The following SPTBN2 variants were observed in gnomAD, a reference collection of about 807,000 sequenced individuals.
SPTBN2 encodes spectrin beta, non-erythrocytic 2.
SPTBN2 carries 107 observed loss-of-function variants against 284.2 expected under a neutral mutation model. The observed-to-expected ratio is 0.38, with a 90% CI of 0.32 to 0.44. The LOEUF is 0.44. SPTBN2 is among the 20% of genes least tolerant of loss of function. The probability of loss-of-function intolerance (pLI) is 1.00; values close to 1 mark genes in which losing one functional copy is unlikely to be tolerated. For synonymous variants in SPTBN2, 1,289 were observed against 1,354.8 expected, an observed-to-expected ratio of 0.95 and a Z score of 1.07; for missense variants, 2,569 against 3,287.1, an observed-to-expected ratio of 0.78 and a Z score of 5.34.
At chr11:66,739,919 C>T (rs988465400) in intron 1 of SPTBN2, among the ~76,000 whole-genome samples, 2 of 152,146 alleles carry the variant, frequency 1.3e-5, no homozygotes, top group Admixed American at 1.3e-4. Context: ...GTAATCCCAG[C>T]TGCTCGTGAG....
At chr11:66,716,475 G>A (rs1157890068) in intron 3 of SPTBN2, among the ~76,000 whole-genome samples, 4 of 149,716 alleles carry the variant, frequency 2.7e-5, no homozygotes, top group Non-Finnish European at 5.9e-5. Context: ...GCAAGACTCC[G>A]TCTCAAAAAA....
chr11:66,693,473 G>A lies in SPTBN2; in HGVS notation c.4594-27C>T, dbSNP rs776830498. ...TGCCCATGGCCACAGAAGAGAAAAT[G>A]CTGAAAGTCCTGCCCCAGCCCCACG... On this transcript the variant is annotated intron_variant, in intron 23 of 37. Transcript: ENST00000533211. The surrounding 1 kb of genome is among the most constrained non-coding windows in gnomAD (Gnocchi z 5.7). 4 of 1,590,774 alleles carry A rather than the reference G, an allele frequency of 2.5e-6. No individual in the cohort carries two copies. The highest frequency in any genetic ancestry group is 3.4e-6 in the Non-Finnish European group (4 of 1,176,286).
intron 5 of SPTBN2, 83 bp from the exon 6 acceptor site, chr11:66,714,490 A>T (rs1250560520): frequency 8.2e-7 from 1 of 1,224,556 alleles, no homozygotes; most frequent in East Asian, 2.3e-5. Context: ...ATGGCAGGAA[A>T]CTGCTCTTTA....
In SPTBN2 at chr11:66,707,754, G is replaced by A. The variant is rs561053672; in HGVS notation, c.1415C>T (p.Thr472Met). Reference sequence around the variant, plus strand: ...CCGGCCGCTGTAGGCCACGATGTCCGTCTCAATGGCTTCGTGCTTCCGTAC... The same window carrying A: ...CCGGCCGCTGTAGGCCACGATGTCCATCTCAATGGCTTCGTGCTTCCGTAC... ...AAVRKHEAIE[T>M]DIVAYSGRVQ... Residue 472 changes from threonine (T) to methionine (M), a missense_variant, in exon 13 of 38, where the codon ACG (threonine) becomes ATG (methionine). Thr to Met is a moderately conservative substitution (Grantham distance 81, BLOSUM62 -1). Transcript: ENST00000533211. This position sits in a 1 kb window ranked among gnomAD's most constrained non-coding sequence, Gnocchi z 4.9. 158 of 1,607,872 alleles carry A rather than the reference G, an allele frequency of 9.8e-5. No individual in the cohort carries two copies. The highest frequency in any genetic ancestry group is 1.3e-4 in the Admixed American group (8 of 59,976).
chr11:66,703,991 T>C (rs74573237), intron 15 of SPTBN2, among the ~76,000 whole-genome samples: 1 of 148,514 alleles, frequency 6.7e-6, no homozygotes, highest in African/African-American at 2.5e-5. Context: ...TTTTTTTTTT[T>C]TGAGACAGTC....
At chr11:66,716,122 G>T in intron 3 of SPTBN2, 141 bp from the exon 4 acceptor site, 1 of 1,114,036 alleles carries the variant, frequency 9.0e-7, no homozygotes, top group Non-Finnish European at 1.3e-6. Context: ...GAAGGAAGAT[G>T]ACCGGGAGGA....
intron 1 of SPTBN2, among the ~76,000 whole-genome samples, chr11:66,721,931 C>T (rs1451653885): frequency 6.6e-6 from 1 of 151,888 alleles, no homozygotes; most frequent in Non-Finnish European, 1.5e-5. Flanking sequence ...CCTGTAATCC[C>T]AGCTACTCAG....
At chr11:66,706,206 A>G (rs964515077) in intron 13 of SPTBN2, among the ~76,000 whole-genome samples, 1 of 152,052 alleles carries the variant, frequency 6.6e-6, no homozygotes, top group African/African-American at 2.4e-5. Flanking sequence ...GATGGCAGCA[A>G]CCTCTAACGG....
At chr11:66,722,299 G>A (rs1033267400) in intron 1 of SPTBN2, among the ~76,000 whole-genome samples, 22 of 152,144 alleles carry the variant, frequency 1.4e-4, no homozygotes, top group African/African-American at 5.3e-4. Flanking sequence ...AGTTGGCTGG[G>A]CGCGGTGTCT....
At position 66,688,043 on chromosome 11, in the gene SPTBN2, GGGTGCTTGTGTGGAT is replaced by G. The variant is rs1940262646; in HGVS notation, c.6396_6410del (p.Thr2134_Ser2138del). ...CATCTGTGCAGACTCCATTAACACT[GGGTGCTTGTGTGGAT>G]GGTGGTGGCCGTGGCTGGGTTCTGG... On this transcript the variant is annotated inframe_deletion, in exon 33 of 38. Transcript: ENST00000533211. The G allele has an allele frequency of 6.2e-7, 1 of 1,614,086 alleles. No homozygotes were observed. The highest frequency in any genetic ancestry group is 1.7e-5 in the Admixed American group (1 of 60,006).
chr11:66,692,873 C>T (rs1940654421), intron 25 of SPTBN2, 97 bp downstream of exon 25: 2 of 1,595,548 alleles, frequency 1.3e-6, no homozygotes, highest in Non-Finnish European at 1.7e-6. Context: ...CTAGAAGGCT[C>T]CGTGCACACA....
intron 1 of SPTBN2, among the ~76,000 whole-genome samples, chr11:66,742,590 CT>C (rs1942903057): frequency 6.6e-6 from 1 of 151,972 alleles, no homozygotes; most frequent in Non-Finnish European, 1.5e-5. Context: ...GCATTTTCTG[CT>C]GGGCCAACAC....
rs755453971 is a variant in SPTBN2 at position 66,684,754 on chromosome 11, C to A, written c.*1117G>T. On this transcript the variant is annotated 3_prime_UTR_variant, in exon 38 of 38. Coordinates refer to ENST00000533211, the MANE Select transcript of SPTBN2 (RefSeq NM_006946.4). ...CATTCTGTTGATCAGTTTATTGGAA[C>A]CTGCCACTTCTCAGATCCCTGTCTG... Among the ~76,000 whole-genome samples the A allele has an allele frequency of 1.3e-5, 2 of 152,088 alleles. No homozygotes were observed. The highest frequency in any genetic ancestry group is 3.8e-4 in the East Asian group (2 of 5,196).
Position 66,688,336 on chromosome 11 carries a change from G to A in SPTBN2, c.6232-25C>T, listed in dbSNP as rs773540083. On this transcript the variant is annotated intron_variant, in intron 31 of 37. Coordinates refer to ENST00000533211, the MANE Select transcript of SPTBN2 (RefSeq NM_006946.4). Reference sequence around the variant, plus strand: ...GCTGTCAAAAAATGCTGCATTCAGCGTGTAGAAGGTTGCGTGTAAGAGGGC... The same window carrying A: ...GCTGTCAAAAAATGCTGCATTCAGCATGTAGAAGGTTGCGTGTAAGAGGGC... 86 of 1,560,704 alleles carry A rather than the reference G, an allele frequency of 5.5e-5. No homozygotes were observed. In the East Asian group the frequency reaches 1.2e-3, roughly 22 times the overall value.
Position 66,688,668 on chromosome 11 carries a change from C to T in SPTBN2, c.6216G>A (p.Leu2072=). The T allele has an allele frequency of 6.2e-7, 1 of 1,613,976 alleles. No homozygotes were observed. Among genetic ancestry groups the T allele is most frequent in the Non-Finnish European group, 8.5e-7 (1 of 1,180,020 alleles). ...AVAWEERFCA[L]EKLTALEERE... ...TGTCCCTCACCGCAGTAAGCTTCTC[C>T]AGCGCACAGAATCGCTCCTCCCAGG... The change falls in exon 31 of 38, where the codon CTG becomes CTA. Residue 2072 remains leucine (L), a synonymous_variant. Transcript: ENST00000533211.
Position 66,691,774 on chromosome 11 carries a change from G to T in SPTBN2, c.5191-116C>A. 1 of 1,473,314 alleles carries T rather than the reference G, an allele frequency of 6.8e-7. No homozygotes were observed. 91.3% of individuals were successfully genotyped at this position (1,473,314 alleles called of 1,614,324 possible). ...AACCCACCTCTCCCCGCTGCATGGGGGCCGGGACAGGTTTCTTCCCTGTGG... is the reference window on the plus strand; with the variant it reads ...AACCCACCTCTCCCCGCTGCATGGGTGCCGGGACAGGTTTCTTCCCTGTGG... On this transcript the variant is annotated intron_variant, in intron 26 of 37. Transcript: ENST00000533211. The surrounding 1 kb of genome is among the most constrained non-coding windows in gnomAD (Gnocchi z 8.0).
In SPTBN2 at chr11:66,693,610, T is replaced by C. The variant is rs1339471503; in HGVS notation, c.4593+162A>G. ...CACCCGTCAGCCGCCCAGCCCCCAC[T>C]ATCTCCTACTGAGAGGACCCACCCT... On this transcript the variant is annotated intron_variant, in intron 23 of 37. Transcript: ENST00000533211. This position sits in a 1 kb window ranked among gnomAD's most constrained non-coding sequence, Gnocchi z 5.7. Among the ~76,000 whole-genome samples the C allele has an allele frequency of 6.6e-6, 1 of 152,070 alleles. No individual in the cohort carries two copies. Among genetic ancestry groups the C allele is most frequent in the African/African-American group, 2.4e-5 (1 of 41,404 alleles).
In SPTBN2 at chr11:66,687,224, C is replaced by A; in HGVS notation, c.6723-57G>T. On this transcript the variant is annotated intron_variant, in intron 35 of 37. Transcript: ENST00000533211. The surrounding 1 kb of genome is among the most constrained non-coding windows in gnomAD (Gnocchi z 5.2). Reference sequence around the variant, plus strand: ...TCAGTGGCGCCCGCAACCTGGAGCCCTCTTGGGTGTCCTAGGACTTCCAGT... The same window carrying A: ...TCAGTGGCGCCCGCAACCTGGAGCCATCTTGGGTGTCCTAGGACTTCCAGT... 6.2e-7 allele frequency: 1 copy of A among 1,605,596 alleles called. No individual in the cohort carries two copies. Among genetic ancestry groups the A allele is most frequent in the South Asian group, 1.1e-5 (1 of 90,608 alleles).
In SPTBN2 at chr11:66,710,471, C is replaced by T; in HGVS notation, c.1073+111G>A. ...TTTGGATGCTTCTGGTGTGGGAAAT[C>T]TCCACTGCATTTATGTACTGCCAAA... On this transcript the variant is annotated intron_variant, in intron 10 of 37. Coordinates refer to ENST00000533211, the MANE Select transcript of SPTBN2 (RefSeq NM_006946.4). The surrounding 1 kb of genome is among the most constrained non-coding windows in gnomAD (Gnocchi z 4.9). 9.3e-7 allele frequency: 1 copy of T among 1,077,706 alleles called. No homozygotes were observed. Among genetic ancestry groups the T allele is most frequent in the Non-Finnish European group, 1.4e-6 (1 of 726,982 alleles). 66.8% of individuals were successfully genotyped at this position (1,077,706 alleles called of 1,614,324 possible). A position where few individuals can be genotyped will look rare whatever the true frequency, so the allele number is the denominator to read the frequency against.
Sources: allele counts gnomAD v4.1 joint callset (sites outside exome capture counted in the v4.1 genomes callset), GRCh38; gene constraint gnomAD v4.1.1; non-coding constraint Gnocchi (gnomAD v3.1); transcripts MANE v1.5; gene names NCBI Gene and HGNC (gene_info 2026-07-23, HGNC 2026-07-21).